RBFOX3: variants seen among roughly 807,000 people sequenced by gnomAD.
The protein encoded by RBFOX3 is RNA binding protein fox-1 homolog 3.
RBFOX3 carries 17 observed loss-of-function variants against 48.7 expected under a neutral mutation model. The ratio of observed to expected loss-of-function variants is 0.35; its 90% CI spans 0.24 to 0.52. RBFOX3 has a LOEUF of 0.52. Among genes scored for constraint, RBFOX3 ranks in the 20% least tolerant of loss-of-function variants. The probability of loss-of-function intolerance (pLI) is 0.94; values close to 1 mark genes in which losing one functional copy is unlikely to be tolerated. For missense variants in RBFOX3, 382 were observed against 497.5 expected (o/e 0.77, Z 2.21); for synonymous variants, 212 against 209.5 (o/e 1.01, Z -0.10).
At chr17:79,365,841 G>A (rs1201620183) in intron 2 of RBFOX3, among the ~76,000 whole-genome samples, 3 of 152,240 alleles carry the variant, frequency 2.0e-5, no homozygotes, top group African/African-American at 4.8e-5. Flanking sequence ...TCTGCTGCCC[G>A]AGAGGGAAGG....
chr17:79,620,902 C>T, the RBFOX3 span, among the ~76,000 whole-genome samples: 24 of 152,296 alleles, frequency 1.6e-4, no homozygotes, highest in East Asian at 9.7e-4. Context: ...ACATCACACC[C>T]GATCTCATTT....
chr17:79,224,890 G>A (rs933819353), intron 4 of RBFOX3, among the ~76,000 whole-genome samples: 1 of 152,138 alleles, frequency 6.6e-6, no homozygotes, highest in African/African-American at 2.4e-5. Context: ...TTTCACCCCT[G>A]GTGCTAGCCA....
In RBFOX3 at chr17:79,381,927, C is replaced by T. The variant is rs193285573; in HGVS notation, c.-174-74103G>A. Among the ~76,000 whole-genome samples, 7 of 152,306 alleles carry T rather than the reference C, an allele frequency of 4.6e-5. No individual in the cohort carries two copies. The East Asian group carries it at 5.8e-4, about 13-fold the overall frequency. ...GCACTGAGGAAATAAAACCGAAACC[C>T]GGTGTCACCATCATCACAAAACATA... On this transcript the variant is annotated intron_variant, in intron 2 of 14. Transcript: ENST00000693108.
intron 4 of RBFOX3, among the ~76,000 whole-genome samples, chr17:79,187,640 T>C (rs2053681451): frequency 6.6e-6 from 1 of 151,826 alleles, no homozygotes; most frequent in Admixed American, 6.6e-5. Context: ...TGTGTGTGTG[T>C]GATGGGGTGT....
chr17:79,597,338 G>A (rs2093594792), intron 1 of RBFOX3, among the ~76,000 whole-genome samples: 2 of 152,200 alleles, frequency 1.3e-5, no homozygotes, highest in African/African-American at 2.4e-5. Context: ...TGTTGGCCGG[G>A]TAAGATGGCA....
chr17:79,524,703 C>T (rs1242900304), intron 1 of RBFOX3, among the ~76,000 whole-genome samples: 1 of 152,166 alleles, frequency 6.6e-6, no homozygotes, highest in East Asian at 1.9e-4. Flanking sequence ...GAGCGTGGAG[C>T]AGACACGGGC....
chr17:79,099,817 G>C (rs1207025428), intron 9 of RBFOX3: 1 of 152,232 alleles, frequency 6.6e-6, no homozygotes, highest in Non-Finnish European at 1.5e-5. Context: ...ACCGTAAATA[G>C]TTAACACCTG....
intron 2 of RBFOX3, among the ~76,000 whole-genome samples, chr17:79,475,740 G>C (rs2077642671): frequency 2.0e-5 from 3 of 152,310 alleles, no homozygotes; most frequent in African/African-American, 7.2e-5. Context: ...CACAGGCATG[G>C]GGGTGGGGTT....
chr17:79,314,354 C>T (rs963126443), intron 2 of RBFOX3, among the ~76,000 whole-genome samples: 4 of 151,816 alleles, frequency 2.6e-5, no homozygotes, highest in African/African-American at 9.7e-5. Flanking sequence ...TGGGCTCTCT[C>T]GTGGGCACAG....
intron 1 of RBFOX3, among the ~76,000 whole-genome samples, chr17:79,596,406 G>C (rs932573460): frequency 3.9e-5 from 6 of 152,244 alleles, no homozygotes; most frequent in Non-Finnish European, 7.4e-5. Flanking sequence ...AGCAGGCAGA[G>C]AGTGTGCCCA....
intron 1 of RBFOX3, among the ~76,000 whole-genome samples, chr17:79,525,772 T>G (rs2086716958): frequency 6.6e-6 from 1 of 152,258 alleles, no homozygotes; most frequent in African/African-American, 2.4e-5. Context: ...ATATATTCTA[T>G]GAGTACATTT....
At chr17:79,141,032 G>A (rs2144196917) in intron 4 of RBFOX3, among the ~76,000 whole-genome samples, 1 of 152,292 alleles carries the variant, frequency 6.6e-6, no homozygotes, top group African/African-American at 2.4e-5. Flanking sequence ...ACTCTCTGGG[G>A]ACAAAGCTCT....
At chr17:79,472,230 C>T (rs1369100925) in intron 2 of RBFOX3, among the ~76,000 whole-genome samples, 5 of 152,106 alleles carry the variant, frequency 3.3e-5, no homozygotes, top group Non-Finnish European at 7.4e-5. Flanking sequence ...CCACAGTGGT[C>T]GTACTAGCTG....
At chr17:79,619,493 C>A in the RBFOX3 span, among the ~76,000 whole-genome samples, 13 of 152,300 alleles carry the variant, frequency 8.5e-5, no homozygotes, top group East Asian at 1.9e-3. Flanking sequence ...CTTCATGCAG[C>A]CTTCTCCTCT....
intron 1 of RBFOX3, among the ~76,000 whole-genome samples, chr17:79,562,829 A>G (rs1265752782): frequency 1.3e-5 from 2 of 152,160 alleles, no homozygotes; most frequent in African/African-American, 2.4e-5. Context: ...ATGATGATCA[A>G]TGAGTCCACG....
rs1555788442 is a variant in RBFOX3, at chr17:79,535,344, T to G, written c.-319-52746A>C. Among the ~76,000 whole-genome samples, 2 of 152,076 alleles carry G rather than the reference T, an allele frequency of 1.3e-5. No homozygotes were observed. Among genetic ancestry groups the G allele is most frequent in the Non-Finnish European group, 2.9e-5 (2 of 68,018 alleles). On this transcript the variant is annotated intron_variant, in intron 1 of 14. Transcript: ENST00000693108. The surrounding 1 kb of genome is among the most constrained non-coding windows in gnomAD (Gnocchi z 4.5). The stretch of plus-strand genomic sequence containing the variant: ...GCCAGATCTGGGGATCACCTATAGG[T>G]AAGGAGAAGAGGGAGGGTGACAGAG...
intron 2 of RBFOX3, among the ~76,000 whole-genome samples, chr17:79,318,643 A>T (rs190518439): frequency 1.3e-5 from 2 of 152,120 alleles, no homozygotes; most frequent in East Asian, 3.9e-4. Context: ...TCACGAGGTC[A>T]GGAGATCTAG....
At chr17:79,139,253 A>C (rs2041398169) in intron 4 of RBFOX3, among the ~76,000 whole-genome samples, 1 of 148,508 alleles carries the variant, frequency 6.7e-6, no homozygotes. Context: ...CCACCCCGAC[A>C]CAGGGAGACC....
At chr17:79,620,602 CGCACACAT>C in the RBFOX3 span, among the ~76,000 whole-genome samples, 2 of 148,404 alleles carry the variant, frequency 1.3e-5, no homozygotes, top group East Asian at 2.0e-4. Flanking sequence ...CACGCACGCA[CGCACACAT>C]GCACACACGC....
Sources: allele counts gnomAD v4.1 joint callset (sites outside exome capture counted in the v4.1 genomes callset), GRCh38; gene constraint gnomAD v4.1.1; non-coding constraint Gnocchi (gnomAD v3.1); transcripts MANE v1.5; gene names NCBI Gene and HGNC (gene_info 2026-07-23, HGNC 2026-07-21).